ESYT1: variants seen among roughly 807,000 people sequenced by gnomAD.
ESYT1 encodes extended synaptotagmin-1.
A neutral mutation model predicts 154.2 loss-of-function variants in ESYT1; 116 were observed. That is an observed-to-expected ratio of 0.75 (90% CI 0.65 to 0.88). ESYT1 has a LOEUF of 0.88. ESYT1 is among the 40% of genes least tolerant of loss of function. The pLI is 0.00. For missense variants in ESYT1, 1,264 were observed against 1,379.3 expected (o/e 0.92, Z 1.32); for synonymous variants, 500 against 539.9 (o/e 0.93, Z 1.02).
At chr12:56,133,567 C>T in intron 11 of ESYT1, 21 bp from the exon 12 acceptor site, 1 of 1,613,872 alleles carries the variant, frequency 6.2e-7, no homozygotes, top group South Asian at 1.1e-5. Context: ...CTGATCTCTA[C>T]TACATCTCAA....
chr12:56,138,470 A>G lies in ESYT1; in HGVS notation c.2404A>G (p.Ile802Val). Residue 802 changes from isoleucine to valine, a missense_variant, in exon 22 of 31, where the codon ATC (isoleucine) becomes GTC (valine). By Grantham distance (29) the Ile-to-Val change is conservative. Coordinates refer to ENST00000394048, the MANE Select transcript of ESYT1 (RefSeq NM_015292.3). ...SAELAAALLS[I>V]YMERAEDLPL... is the part of the protein sequence containing the mutation. ...GGAGCTGGCTGCGGCCCTGCTATCC[A>G]TCTATATGGAGCGGGCAGAGGACCT... is the stretch of plus-strand genomic sequence containing the variant. 1 of 1,611,786 alleles carries G rather than the reference A, an allele frequency of 6.2e-7. No homozygotes were observed. The highest frequency in any genetic ancestry group is 2.2e-5 in the East Asian group (1 of 44,844).
At position 56,144,638 on chromosome 12, in the gene ESYT1, G is replaced by A. The variant is rs1054874558; in HGVS notation, c.*776G>A. 6.1e-6 allele frequency: 6 copies of A among 985,278 alleles called. No individual in the cohort carries two copies. Among genetic ancestry groups the A allele is most frequent in the Admixed American group, 1.2e-4 (2 of 16,260 alleles). The allele number at this position is 985,278 out of a possible 1,614,324, so 61.0% of individuals were successfully genotyped here. A position where few individuals can be genotyped will look rare whatever the true frequency, so the allele number is the denominator to read the frequency against. On this transcript the variant is annotated 3_prime_UTR_variant, in exon 31 of 31. Transcript: ENST00000394048. The stretch of plus-strand genomic sequence containing the variant: ...TACAGTTTTGCACCAACTCTGCCAA[G>A]CCACTGGATCTTACATTAAACATCA...
chr12:56,132,669 A>G, intron 9 of ESYT1, 50 bp from the exon 10 acceptor site: 2 of 1,613,664 alleles, frequency 1.2e-6, no homozygotes, highest in East Asian at 2.2e-5. Context: ...TGATTGGATG[A>G]TCCTCACAGC....
At chr12:56,134,759 C>T (rs1172028620) in intron 15 of ESYT1, among the ~76,000 whole-genome samples, 10 of 151,576 alleles carry the variant, frequency 6.6e-5, no homozygotes, top group South Asian at 2.1e-4. Flanking sequence ...CCACCATGCC[C>T]GGCTAATTTT....
Position 56,137,260 on chromosome 12 carries a change from C to T in ESYT1, c.1825C>T (p.Pro609Ser). ...DSSEICFPTVPGCPGAWDVDS... is the reference protein window; with the variant it reads ...DSSEICFPTVSGCPGAWDVDS... ...ATCAGAAATATGCTTCCCCACGGTG[C>T]CTGGTTGTCCTGGTGCTTGGGACGT... is the stretch of plus-strand genomic sequence containing the variant. The change falls in exon 17 of 31, where the codon CCT (proline) becomes TCT (serine). Residue 609 changes from proline to serine, a missense_variant. By Grantham distance (74) the Pro-to-Ser change is moderately conservative. Transcript: ENST00000394048. 1 of 1,614,216 alleles carries T rather than the reference C, an allele frequency of 6.2e-7. No homozygotes were observed. The highest frequency in any genetic ancestry group is 8.5e-7 in the Non-Finnish European group (1 of 1,180,040).
chr12:56,131,664 A>T, intron 6 of ESYT1, 85 bp from the exon 7 acceptor site: 1 of 1,605,148 alleles, frequency 6.2e-7, no homozygotes, highest in Admixed American at 1.7e-5. Context: ...GGAACTGACA[A>T]GAAGGCCGAG....
intron 23 of ESYT1, 23 bp from the exon 24 acceptor site, chr12:56,138,904 T>A (rs913971449): frequency 1.9e-6 from 3 of 1,612,344 alleles, no homozygotes; most frequent in Non-Finnish European, 2.5e-6. Context: ...CAGCTACTGA[T>A]CATAAGCCCT....
chr12:56,128,467 G>A lies in ESYT1; in HGVS notation c.148G>A (p.Glu50Lys). 1 of 1,611,046 alleles carries A rather than the reference G, an allele frequency of 6.2e-7. No homozygotes were observed. Among genetic ancestry groups the A allele is most frequent in the African/African-American group, 1.3e-5 (1 of 75,048 alleles). Residue 50 changes from glutamate to lysine, a missense_variant, in exon 1 of 31, where the codon GAG (glutamate) becomes AAG (lysine). By Grantham distance (56) the Glu-to-Lys change is moderately conservative. Transcript: ENST00000394048. Reference protein sequence around the residue: ...GQPAGPGAAGEALAVLTSFGR... With the variant: ...GQPAGPGAAGKALAVLTSFGR... ...ACCTGCTGGCCCTGGCGCGGCGGGT[G>A]AGGCCCTGGCGGTGCTGACTTCATT... is the stretch of plus-strand genomic sequence containing the variant.
At chr12:56,133,750 C>T (rs201551054) in intron 12 of ESYT1, 31 bp from the exon 13 acceptor site, 24 of 1,612,950 alleles carry the variant, frequency 1.5e-5, no homozygotes, top group Non-Finnish European at 2.0e-5. Flanking sequence ...GGAACGGGGA[C>T]CAAGATCTGA....
At chr12:56,137,767 G>A in intron 18 of ESYT1, 65 bp from the exon 19 acceptor site, 2 of 1,610,680 alleles carry the variant, frequency 1.2e-6, no homozygotes, top group African/African-American at 1.3e-5. Flanking sequence ...CAGTTGACTG[G>A]GGGGTCCAGT....
chr12:56,134,038 A>C (rs1870348812), intron 13 of ESYT1, 72 bp from the exon 14 acceptor site: 1 of 1,589,220 alleles, frequency 6.3e-7, no homozygotes, highest in Non-Finnish European at 8.6e-7. Flanking sequence ...TTCTGATGCG[A>C]TCCCACCTTC....
chr12:56,143,340 G>A lies in ESYT1; in HGVS notation c.3225+7G>A. ...GCGTGAGCTGCTGGGGAAGGTAAGAGGGCAGGATGGCAGGGCAGAGGTGAG... is the reference window on the plus strand; with the variant it reads ...GCGTGAGCTGCTGGGGAAGGTAAGAAGGCAGGATGGCAGGGCAGAGGTGAG... On this transcript the variant is annotated splice_region_variant and intron_variant, in intron 29 of 30. Coordinates refer to ENST00000394048, the MANE Select transcript of ESYT1 (RefSeq NM_015292.3). 1 of 1,613,480 alleles carries A rather than the reference G, an allele frequency of 6.2e-7. No individual in the cohort carries two copies. The highest frequency in any genetic ancestry group is 8.5e-7 in the Non-Finnish European group (1 of 1,179,652).
At position 56,132,707 on chromosome 12, in the gene ESYT1, T is replaced by C. The variant is rs1183647814; in HGVS notation, c.1162-12T>C. On this transcript the variant is annotated splice_polypyrimidine_tract_variant and intron_variant, in intron 9 of 30. Transcript: ENST00000394048. ...CAGCCCCATGAGACACTCAGCCTTC[T>C]GTGTTCCCCAGGTGATGGTACACGA... 1.9e-6 allele frequency: 3 copies of C among 1,614,170 alleles called. No homozygotes were observed. In the South Asian group the frequency reaches 3.3e-5, roughly 18 times the overall value.
At chr12:56,135,534 C>T (rs149007008) in intron 15 of ESYT1, among the ~76,000 whole-genome samples, 25 of 152,100 alleles carry the variant, frequency 1.6e-4, no homozygotes, top group African/African-American at 5.5e-4. Context: ...CTTCACAATA[C>T]TCACTGGCCA....
Position 56,128,557 on chromosome 12 carries a change from T to A in ESYT1, c.238T>A (p.Phe80Ile). ...LAGAVGLSVG[F>I]VLFGLALYLG... ...CGGGGCAGTGGGACTCAGCGTGGGT[T>A]TCGTGCTCTTCGGCCTCGCCCTCTA... Residue 80 changes from phenylalanine to isoleucine, a missense_variant, in exon 1 of 31, where the codon TTC becomes ATC. Physicochemically the swap from Phe to Ile is conservative, Grantham distance 21. Transcript: ENST00000394048. 6.2e-7 allele frequency: 1 copy of A among 1,613,798 alleles called. No individual in the cohort carries two copies. The highest frequency in any genetic ancestry group is 8.5e-7 in the Non-Finnish European group (1 of 1,179,862).
chr12:56,128,277 C>G lies in ESYT1; in HGVS notation c.-43C>G. On this transcript the variant is annotated 5_prime_UTR_variant, in exon 1 of 31. Coordinates refer to ENST00000394048, the MANE Select transcript of ESYT1 (RefSeq NM_015292.3). ...GCTGATCGCAAGACTAGGCAACCTC[C>G]AGCCAGTCCCTGGGTCGGGCGGATC... The G allele has an allele frequency of 6.4e-7, 1 of 1,566,946 alleles. No homozygotes were observed. The highest frequency in any genetic ancestry group is 1.9e-4 in the Middle Eastern group (1 of 5,212).
intron 30 of ESYT1, 95 bp downstream of exon 30, chr12:56,143,724 AC>A: frequency 3.1e-6 from 5 of 1,608,938 alleles, no homozygotes; most frequent in Non-Finnish European, 4.3e-6. Flanking sequence ...TGAGCAGAGA[AC>A]CATTGATTCT....
chr12:56,132,691 G>A lies in ESYT1; in HGVS notation c.1162-28G>A, dbSNP rs200225357. On this transcript the variant is annotated intron_variant, in intron 9 of 30. Transcript: ENST00000394048. ...ATGATCCTCACAGCTGCAGCCCCAT[G>A]AGACACTCAGCCTTCTGTGTTCCCC... 5.6e-5 allele frequency: 91 copies of A among 1,613,952 alleles called. No individual in the cohort carries two copies. In the African/African-American group the frequency reaches 1.2e-3, roughly 21 times the overall value.
Position 56,143,294 on chromosome 12 carries a change from T to C in ESYT1, c.3186T>C (p.Asn1062=). The part of the protein sequence containing the change: ...RRKLDVSVKS[N]SSFMSREREL... ...AGCTGGATGTCTCTGTCAAGTCTAATTCCTCCTTCATGTCAAGAGAGCGTG... is the reference window on the plus strand; with the variant it reads ...AGCTGGATGTCTCTGTCAAGTCTAACTCCTCCTTCATGTCAAGAGAGCGTG... Residue 1062 remains asparagine (N), a synonymous_variant, in exon 29 of 31, where the codon AAT becomes AAC. Transcript: ENST00000394048. 1.9e-6 allele frequency: 3 copies of C among 1,614,146 alleles called. No homozygotes were observed. Among genetic ancestry groups the C allele is most frequent in the Non-Finnish European group, 1.7e-6 (2 of 1,180,028 alleles).
Sources: allele counts gnomAD v4.1 joint callset (sites outside exome capture counted in the v4.1 genomes callset), GRCh38; gene constraint gnomAD v4.1.1; transcripts MANE v1.5; gene names NCBI Gene and HGNC (gene_info 2026-07-23, HGNC 2026-07-21).